The following C3orf70 variants were observed in gnomAD, a reference collection of about 807,000 sequenced individuals.
C3orf70 encodes the protein chromosome 3 open reading frame 70.
C3orf70 carries 15 observed loss-of-function variants against 20.7 expected under a neutral mutation model. That is an observed-to-expected ratio of 0.72 (90% CI 0.48 to 1.11). The LOEUF (loss-of-function observed/expected upper bound fraction) is 1.11, where lower values mean the gene tolerates loss of function less well. C3orf70 is among the 50% of genes most tolerant of loss of function. The pLI is 0.00. For synonymous variants in C3orf70, 161 were observed against 125.7 expected (o/e 1.28, Z -1.88); for missense variants, 332 against 317.6 (o/e 1.05, Z -0.34).
At chr3:185,142,345 C>A (rs926216773) in intron 1 of C3orf70, among the ~76,000 whole-genome samples, 2 of 152,094 alleles carry the variant, frequency 1.3e-5, no homozygotes, top group African/African-American at 4.8e-5. Context: ...GTGGCCCCAG[C>A]CACTTGGAGG....
intron 1 of C3orf70, among the ~76,000 whole-genome samples, chr3:185,125,366 G>A (rs896959789): frequency 1.4e-5 from 2 of 147,642 alleles, no homozygotes; most frequent in Admixed American, 7.0e-5. Flanking sequence ...GGCAACAAGA[G>A]TGAAACTCCA....
intron 1 of C3orf70, among the ~76,000 whole-genome samples, chr3:185,095,585 T>A (rs1715683493): frequency 6.6e-6 from 1 of 152,216 alleles, no homozygotes; most frequent in Admixed American, 6.5e-5. Context: ...TCTTGAAGCA[T>A]CTGTGCTCAG....
intron 1 of C3orf70, among the ~76,000 whole-genome samples, chr3:185,091,947 ATATATATATATATATATTTTT>A (rs1467270793): frequency 0.3 from 4,282 of 14,064 alleles, 560 homozygotes; most frequent in Non-Finnish European, 0.37. Flanking sequence ...ATATATATAT[ATATATATATATATATATTTTT>A]TTTTTTTTTT....
At chr3:185,111,330 G>C (rs1004616332) in intron 1 of C3orf70, among the ~76,000 whole-genome samples, 2 of 152,056 alleles carry the variant, frequency 1.3e-5, no homozygotes, top group African/African-American at 2.4e-5. Flanking sequence ...GAAAATATTT[G>C]CCAGTCATAT....
chr3:185,082,969 C>G lies in C3orf70; in HGVS notation c.*38G>C, dbSNP rs368971235. ...TCCACCAGACAAAGGTACAAAAGCT[C>G]GGCGTGGGTCCGAGGCTGTGGCTTC... On this transcript the variant is annotated 3_prime_UTR_variant, in exon 2 of 2. Coordinates refer to ENST00000335012, the MANE Select transcript of C3orf70 (RefSeq NM_001025266.3). 13 of 1,574,408 alleles carry G rather than the reference C, an allele frequency of 8.3e-6. No homozygotes were observed. Among genetic ancestry groups the G allele is most frequent in the Non-Finnish European group, 1.1e-5 (13 of 1,159,816 alleles).
intron 1 of C3orf70, among the ~76,000 whole-genome samples, chr3:185,125,277 G>C (rs979357940): frequency 2.0e-5 from 3 of 152,142 alleles, no homozygotes; most frequent in Admixed American, 6.5e-5. Flanking sequence ...TACTTGGGAG[G>C]CTTGAGGCAG....
intron 1 of C3orf70, among the ~76,000 whole-genome samples, chr3:185,084,940 A>G (rs11915170): frequency 0.027 from 4,057 of 152,236 alleles, 150 homozygotes; most frequent in African/African-American, 0.092. Context: ...TCTTCTGCAC[A>G]TTGTTGACAG....
In C3orf70 at chr3:185,105,057, AC is replaced by A. The variant is rs548338328; in HGVS notation, c.197-21495del. ...ACATATCAAATAAGGAGAAAATACA[AC>A]TAATAATGTAGAAAGTATCAATTAA... is the stretch of plus-strand genomic sequence containing the variant. On this transcript the variant is annotated intron_variant, in intron 1 of 1. Coordinates refer to ENST00000335012, the MANE Select transcript of C3orf70 (RefSeq NM_001025266.3). Among the ~76,000 whole-genome samples the A allele has an allele frequency of 7.5e-4, 114 of 152,374 alleles. 1 individual carries two copies. The highest frequency in any genetic ancestry group is 2.7e-3 in the African/African-American group (111 of 41,594).
At chr3:185,118,266 C>A (rs568242354) in intron 1 of C3orf70, among the ~76,000 whole-genome samples, 4 of 152,302 alleles carry the variant, frequency 2.6e-5, no homozygotes, top group South Asian at 4.1e-4. Context: ...TTAGCCAATT[C>A]CTGTTTTCCT....
chr3:185,117,185 A>G (rs1177804507), intron 1 of C3orf70, among the ~76,000 whole-genome samples: 1 of 152,166 alleles, frequency 6.6e-6, no homozygotes, highest in Non-Finnish European at 1.5e-5. Flanking sequence ...AAAATCAGCA[A>G]CCTTGTCAAT....
At chr3:185,092,803 C>G (rs181642955) in intron 1 of C3orf70, among the ~76,000 whole-genome samples, 2 of 151,792 alleles carry the variant, frequency 1.3e-5, no homozygotes, top group African/African-American at 4.8e-5. Flanking sequence ...CCATCCTGGC[C>G]AACATGGTGA....
chr3:185,139,616 T>C (rs551436749), intron 1 of C3orf70, among the ~76,000 whole-genome samples: 2 of 150,982 alleles, frequency 1.3e-5, no homozygotes, highest in Non-Finnish European at 2.9e-5. Context: ...TAGGCAAGAT[T>C]GTATGGTACT....
intron 1 of C3orf70, among the ~76,000 whole-genome samples, chr3:185,134,982 G>A (rs770550100): frequency 1.9e-4 from 29 of 152,082 alleles, no homozygotes; most frequent in Non-Finnish European, 4.0e-4. Context: ...GCAATAATGA[G>A]GATGCAGCCC....
intron 1 of C3orf70, among the ~76,000 whole-genome samples, chr3:185,115,371 T>G (rs557824697): frequency 6.6e-6 from 1 of 152,186 alleles, no homozygotes; most frequent in South Asian, 2.1e-4. Context: ...CCCTGTAGAC[T>G]TTACAGTAGA....
chr3:185,107,237 A>G (rs1477918640), intron 1 of C3orf70, among the ~76,000 whole-genome samples: 2 of 152,220 alleles, frequency 1.3e-5, no homozygotes, highest in Non-Finnish European at 2.9e-5. Context: ...AAGTATATCA[A>G]AGTAGTTATA....
At chr3:185,145,807 C>T (rs1319143009) in intron 1 of C3orf70, among the ~76,000 whole-genome samples, 1 of 152,228 alleles carries the variant, frequency 6.6e-6, no homozygotes, top group East Asian at 1.9e-4. Flanking sequence ...TGAGCAAACA[C>T]ATACGAAAAG....
chr3:185,094,725 C>T (rs545202163), intron 1 of C3orf70, among the ~76,000 whole-genome samples: 5 of 151,928 alleles, frequency 3.3e-5, no homozygotes, highest in Admixed American at 6.6e-5. Context: ...TTTCATATAG[C>T]GAGTATGTCT....
chr3:185,130,854 C>T (rs1397532592), intron 1 of C3orf70, among the ~76,000 whole-genome samples: 3 of 152,170 alleles, frequency 2.0e-5, no homozygotes, highest in Non-Finnish European at 4.4e-5. Flanking sequence ...CTTGTTTATC[C>T]ATTCATCAAT....
intron 1 of C3orf70, among the ~76,000 whole-genome samples, chr3:185,137,378 T>C (rs970150771): frequency 1.3e-5 from 2 of 152,126 alleles, no homozygotes; most frequent in South Asian, 2.1e-4. Flanking sequence ...CTTTCAACAA[T>C]TGACAGAACA....
Sources: allele counts gnomAD v4.1 joint callset (sites outside exome capture counted in the v4.1 genomes callset), GRCh38; gene constraint gnomAD v4.1.1; transcripts MANE v1.5; gene names NCBI Gene and HGNC (gene_info 2026-07-23, HGNC 2026-07-21).